Variants in MFSD2A observed in about 807,000 individuals in gnomAD.
The protein encoded by MFSD2A is sodium-dependent lysophosphatidylcholine symporter 1.
MFSD2A carries 27 observed loss-of-function variants against 64.7 expected under a neutral mutation model. That is an observed-to-expected ratio of 0.42 (90% CI 0.31 to 0.58). The LOEUF (loss-of-function observed/expected upper bound fraction) is 0.58. Ranked by LOEUF, MFSD2A falls within the 20% of genes least tolerant of loss-of-function variation. The pLI is 0.18. For missense variants in MFSD2A, 474 were observed against 679.5 expected, an observed-to-expected ratio of 0.70 and a Z score of 3.36; for synonymous variants, 258 against 273.4, an observed-to-expected ratio of 0.94 and a Z score of 0.55.
Position 39,968,779 on chromosome 1 carries a change from G to A in MFSD2A, c.1529+34G>A, listed in dbSNP as rs1645219889. 6.2e-7 allele frequency: 1 copy of A among 1,610,802 alleles called. No homozygotes were observed. The highest frequency in any genetic ancestry group is 8.5e-7 in the Non-Finnish European group (1 of 1,178,606). ...GGAGGGGACAGGATGCTGGAGGAGG[G>A]GACGTCACTGTGTCTAAACCCTCAA... On this transcript the variant is annotated intron_variant, in intron 13 of 13. Transcript: ENST00000372811. This position sits in a 1 kb window ranked among gnomAD's most constrained non-coding sequence, Gnocchi z 4.4.
Position 39,955,642 on chromosome 1 carries a change from C to A in MFSD2A, c.93+257C>A. The A allele has an allele frequency of 1.5e-6, 1 of 676,882 alleles. No individual in the cohort carries two copies. 41.9% of individuals were successfully genotyped at this position (676,882 alleles called of 1,614,324 possible). A position where few individuals can be genotyped will look rare whatever the true frequency, so the allele number is the denominator to read the frequency against. ...CTGCCGGCAGCCCCATGTGATTCCCCGCTCTGCCTAGCCGGTTTCCATTCT... is the reference window on the plus strand; with the variant it reads ...CTGCCGGCAGCCCCATGTGATTCCCAGCTCTGCCTAGCCGGTTTCCATTCT... On this transcript the variant is annotated intron_variant, in intron 1 of 13. Coordinates refer to ENST00000372811, the MANE Select transcript of MFSD2A (RefSeq NM_032793.5). This position sits in a 1 kb window ranked among gnomAD's most constrained non-coding sequence, Gnocchi z 5.9.
chr1:39,955,523 C>T lies in MFSD2A; in HGVS notation c.93+138C>T, dbSNP rs1330508752. The T allele has an allele frequency of 5.3e-6, 5 of 951,138 alleles. No homozygotes were observed. The highest frequency in any genetic ancestry group is 8.1e-6 in the Non-Finnish European group (5 of 614,714). 58.9% of individuals were successfully genotyped at this position (951,138 alleles called of 1,614,324 possible). A position where few individuals can be genotyped will look rare whatever the true frequency, so the allele number is the denominator to read the frequency against. On this transcript the variant is annotated intron_variant, in intron 1 of 13. Transcript: ENST00000372811. The surrounding 1 kb of genome is among the most constrained non-coding windows in gnomAD (Gnocchi z 5.9). ...AGGAAGCCTACGAGCCAGAGAGGAC[C>T]TGGGGGTGCCCTGGGACAGGGGGTG...
rs779813409 is a variant in MFSD2A, at chr1:39,957,169, C to T, written c.176C>T (p.Thr59Met). 8.1e-6 allele frequency: 13 copies of T among 1,612,842 alleles called. No homozygotes were observed. Among genetic ancestry groups the T allele is most frequent in the South Asian group, 1.1e-5 (1 of 90,998 alleles). Reference sequence around the variant, plus strand: ...CTTGGGGGAGCCCCCTACCAGGTGACGGGCTGTGCCCTGGGTTTCTTCCTT... The same window carrying T: ...CTTGGGGGAGCCCCCTACCAGGTGATGGGCTGTGCCCTGGGTTTCTTCCTT... Reference protein sequence around the residue: ...YALGGAPYQVTGCALGFFLQI... With the variant: ...YALGGAPYQVMGCALGFFLQI... The change falls in exon 2 of 14, where the codon ACG becomes ATG. Residue 59 changes from threonine to methionine, a missense_variant. Transcript: ENST00000372811.
intron 10 of MFSD2A, 36 bp downstream of exon 10, chr1:39,967,747 T>C: frequency 6.2e-7 from 1 of 1,611,592 alleles, no homozygotes; most frequent in Non-Finnish European, 8.5e-7. Context: ...TGGGTTGAGT[T>C]GGGATGTCTG....
At position 39,967,790 on chromosome 1, in the gene MFSD2A, ACCC is replaced by A. The variant is rs753830807; in HGVS notation, c.1096-11_1096-9del. The A allele has an allele frequency of 1.9e-6, 3 of 1,610,084 alleles. No homozygotes were observed. The East Asian group carries it at 6.7e-5, about 36-fold the overall frequency. Reference sequence around the variant, plus strand: ...CCTCCCAGCTGATTCATCTTCCTGCACCCCCTTCCCTAGTCAGCAGTGCCATTT... The same window carrying A: ...CCTCCCAGCTGATTCATCTTCCTGCACCTTCCCTAGTCAGCAGTGCCATTT... On this transcript the variant is annotated splice_polypyrimidine_tract_variant and intron_variant, in intron 10 of 13. Transcript: ENST00000372811.
intron 3 of MFSD2A, among the ~76,000 whole-genome samples, chr1:39,961,709 G>C (rs1645048710): frequency 6.6e-6 from 1 of 151,300 alleles, no homozygotes; most frequent in African/African-American, 2.4e-5. Flanking sequence ...ATGGGGTCTT[G>C]TTATGTTGCC....
Position 39,965,008 on chromosome 1 carries a change from T to G in MFSD2A, c.354-203T>G. The G allele has an allele frequency of 1.6e-6, 1 of 638,572 alleles. No homozygotes were observed. Among genetic ancestry groups the G allele is most frequent in the Non-Finnish European group, 2.7e-6 (1 of 373,964 alleles). 39.6% of individuals were successfully genotyped at this position (638,572 alleles called of 1,614,324 possible). ...CCATGCCTAGGATTTCAGTCTGGGG[T>G]CCCAGTTCCCATCTGCCATTCCGGG... On this transcript the variant is annotated intron_variant, in intron 3 of 13. Coordinates refer to ENST00000372811, the MANE Select transcript of MFSD2A (RefSeq NM_032793.5). The surrounding 1 kb of genome is among the most constrained non-coding windows in gnomAD (Gnocchi z 5.5).
At position 39,969,489 on chromosome 1, in the gene MFSD2A, CCT is replaced by C. The variant is rs1453898560; in HGVS notation, c.1530-7_1530-6del. 7.5e-6 allele frequency: 12 copies of C among 1,594,976 alleles called. No homozygotes were observed. The highest frequency in any genetic ancestry group is 2.3e-5 in the East Asian group (1 of 43,178). ...GATGGATGCTTCCTCCAACCCATCT[CCT>C]CTCTCTCTTGCAGGGACGAGGCCAG... On this transcript the variant is annotated splice_polypyrimidine_tract_variant and intron_variant, in intron 13 of 13. Transcript: ENST00000372811.
intron 11 of MFSD2A, 39 bp downstream of exon 11, chr1:39,967,955 C>T: frequency 7.7e-7 from 1 of 1,293,550 alleles, no homozygotes; most frequent in Non-Finnish European, 1.1e-6. Flanking sequence ...GTATCTCCAG[C>T]CCCTAGTCCC....
Position 39,955,352 on chromosome 1 carries a change from C to T in MFSD2A, c.60C>T (p.Ile20=), listed in dbSNP as rs897356501. 2.0e-6 allele frequency: 3 copies of T among 1,466,112 alleles called. No individual in the cohort carries two copies. The highest frequency in any genetic ancestry group is 2.9e-5 in the African/African-American group (2 of 69,128). 90.8% of individuals were successfully genotyped at this position (1,466,112 alleles called of 1,614,324 possible). Residue 20 remains isoleucine, a synonymous_variant, in exon 1 of 14, where the codon ATC becomes ATT. Transcript: ENST00000372811. This position sits in a 1 kb window ranked among gnomAD's most constrained non-coding sequence, Gnocchi z 5.9. ...GSAAGLLPTS[I]LQSTERPAQV... ...CGGCGGGGCTGCTACCCACCAGCAT[C>T]CTCCAAAGCACTGAACGCCCGGCCC... is the stretch of plus-strand genomic sequence containing the variant.
rs150331213 is a variant in MFSD2A at position 39,968,635 on chromosome 1, C to T, written c.1419C>T (p.Leu473=). 11 of 1,614,082 alleles carry T rather than the reference C, an allele frequency of 6.8e-6. No homozygotes were observed. The Admixed American group carries it at 8.3e-5, about 12-fold the overall frequency. ...GTGTCAAGTTTACACTGAACATGCT[C>T]GTGACCATGGCTCCCATAGTTCTCA... ...PERVKFTLNM[L]VTMAPIVLIL... is the part of the protein sequence containing the mutation. Residue 473 remains leucine, a synonymous_variant, in exon 13 of 14, where the codon CTC becomes CTT. Coordinates refer to ENST00000372811, the MANE Select transcript of MFSD2A (RefSeq NM_032793.5). The surrounding 1 kb of genome is among the most constrained non-coding windows in gnomAD (Gnocchi z 4.4).
chr1:39,966,139 A>G, intron 6 of MFSD2A, 125 bp downstream of exon 6: 1 of 1,110,404 alleles, frequency 9.0e-7, no homozygotes. Context: ...ATACATAACA[A>G]TTAATGCACC....
chr1:39,958,608 G>A lies in MFSD2A; in HGVS notation c.229-93G>A. ...AGCTCAGGGTCACAAGATCCTGGCT[G>A]AGATAGGGAGGGAGCCTCTGCTTCT... On this transcript the variant is annotated intron_variant, in intron 2 of 13. Transcript: ENST00000372811. The surrounding 1 kb of genome is among the most constrained non-coding windows in gnomAD (Gnocchi z 4.7). The A allele has an allele frequency of 6.2e-7, 1 of 1,607,562 alleles. No homozygotes were observed. The highest frequency in any genetic ancestry group is 1.1e-5 in the South Asian group (1 of 90,798).
Position 39,965,052 on chromosome 1 carries a change from C to A in MFSD2A, c.354-159C>A. The A allele has an allele frequency of 1.0e-6, 1 of 995,562 alleles. No homozygotes were observed. Among genetic ancestry groups the A allele is most frequent in the South Asian group, 1.7e-5 (1 of 59,560 alleles). 61.7% of individuals were successfully genotyped at this position (995,562 alleles called of 1,614,324 possible). A position where few individuals can be genotyped will look rare whatever the true frequency, so the allele number is the denominator to read the frequency against. On this transcript the variant is annotated intron_variant, in intron 3 of 13. Transcript: ENST00000372811. The surrounding 1 kb of genome is among the most constrained non-coding windows in gnomAD (Gnocchi z 5.5). ...TTCCGGGCTTGGTCATCAGCCTCTT[C>A]CCAGAGGCCCAGGATGGGTGGATTT... is the stretch of plus-strand genomic sequence containing the variant.
rs772223596 is a variant in MFSD2A, at chr1:39,965,372, C to A, written c.477+38C>A. On this transcript the variant is annotated intron_variant, in intron 4 of 13. Transcript: ENST00000372811. The surrounding 1 kb of genome is among the most constrained non-coding windows in gnomAD (Gnocchi z 5.5). ...ACCTCCCTTGGGTGTCTCTAGGGGC[C>A]GGGAGGAGGGCGGTCCTTGGGGCCC... 1 of 1,613,620 alleles carries A rather than the reference C, an allele frequency of 6.2e-7. No individual in the cohort carries two copies. Among genetic ancestry groups the A allele is most frequent in the Admixed American group, 1.7e-5 (1 of 59,994 alleles).
rs919279364 is a variant in MFSD2A, at chr1:39,966,668, T to A, written c.782T>A (p.Ile261Asn). Residue 261 changes from isoleucine to asparagine, a missense_variant, in exon 7 of 14, where the codon ATC becomes AAC. Transcript: ENST00000372811. Reference protein sequence around the residue: ...CIYIICAVILILGVREQREPY... With the variant: ...CIYIICAVILNLGVREQREPY... ...TATATAATCTGTGCTGTCATCCTGA[T>A]CCTGGGCGTGCGGGAGCAGAGAGGT... is the stretch of plus-strand genomic sequence containing the variant. The A allele has an allele frequency of 3.7e-6, 6 of 1,614,060 alleles. No individual in the cohort carries two copies. The highest frequency in any genetic ancestry group is 5.1e-6 in the Non-Finnish European group (6 of 1,179,992).
chr1:39,969,275 G>A (rs935442833), intron 13 of MFSD2A, among the ~76,000 whole-genome samples: 2 of 152,128 alleles, frequency 1.3e-5, no homozygotes, highest in African/African-American at 4.8e-5. Flanking sequence ...ATGCCAGCCC[G>A]TCAGCCAGCC....
Position 39,966,024 on chromosome 1 carries a change from T to C in MFSD2A, c.714+10T>C. The C allele has an allele frequency of 6.2e-7, 1 of 1,613,994 alleles. No individual in the cohort carries two copies. The highest frequency in any genetic ancestry group is 8.5e-7 in the Non-Finnish European group (1 of 1,179,898). Reference sequence around the variant, plus strand: ...CTCACACAGGGAAACGGTGAGGCCCTGGGCAGGGCAGGGATTTGGGGAGAT... The same window carrying C: ...CTCACACAGGGAAACGGTGAGGCCCCGGGCAGGGCAGGGATTTGGGGAGAT... On this transcript the variant is annotated intron_variant, in intron 6 of 13. Transcript: ENST00000372811.
chr1:39,962,508 A>T (rs1570246588), intron 3 of MFSD2A, among the ~76,000 whole-genome samples: 1 of 152,264 alleles, frequency 6.6e-6, no homozygotes, highest in African/African-American at 2.4e-5. Context: ...CATAACCTTT[A>T]AAAAATGTTT....
Sources: allele counts gnomAD v4.1 joint callset (sites outside exome capture counted in the v4.1 genomes callset), GRCh38; gene constraint gnomAD v4.1.1; non-coding constraint Gnocchi (gnomAD v3.1); transcripts MANE v1.5; gene names NCBI Gene and HGNC (gene_info 2026-07-23, HGNC 2026-07-21).